PCDH15: variants seen among roughly 807,000 people sequenced by gnomAD.
PCDH15 encodes protocadherin-15.
PCDH15 carries 129 observed loss-of-function variants against 178.5 expected under a neutral mutation model. That is an observed-to-expected ratio of 0.72 (90% confidence interval 0.63 to 0.84). The LOEUF is 0.84. Ranked by LOEUF, PCDH15 falls within the 40% of genes least tolerant of loss-of-function variation. The probability of loss-of-function intolerance (pLI) is 0.00; values close to 1 mark genes in which losing one functional copy is unlikely to be tolerated. For missense variants in PCDH15, 2,230 were observed against 2,099.9 expected (o/e 1.06, Z -1.21); for synonymous variants, 800 against 732.0 (o/e 1.09, Z -1.50).
At chr10:55,417,117 G>T (rs114239135) in intron 2 of PCDH15, among the ~76,000 whole-genome samples, 1,564 of 151,806 alleles carry the variant, frequency 0.01, 27 homozygotes, top group African/African-American at 0.035. Context: ...GTGACATTTG[G>T]AAATTGTATC....
chr10:55,440,512 G>C (rs561529986), intron 2 of PCDH15, among the ~76,000 whole-genome samples: 1 of 152,268 alleles, frequency 6.6e-6, no homozygotes, highest in South Asian at 2.1e-4. Context: ...TGTTTTAATA[G>C]AGAAAAACAC....
At chr10:54,843,859 T>C (rs1591736464) in intron 3 of PCDH15, among the ~76,000 whole-genome samples, 1 of 151,930 alleles carries the variant, frequency 6.6e-6, no homozygotes, top group African/African-American at 2.4e-5. Flanking sequence ...ACATGACAAA[T>C]GGCAATGAAC....
At chr10:55,347,811 G>A (rs1477910053) in intron 2 of PCDH15, among the ~76,000 whole-genome samples, 1 of 152,128 alleles carries the variant, frequency 6.6e-6, no homozygotes, top group Non-Finnish European at 1.5e-5. Context: ...GCCTGGGCAG[G>A]AGTCATTATA....
chr10:55,121,818 G>C (rs1175677665), intron 2 of PCDH15, among the ~76,000 whole-genome samples: 1 of 151,968 alleles, frequency 6.6e-6, no homozygotes. Context: ...CCAGCAACAA[G>C]GCATCACCCT....
intron 9 of PCDH15, among the ~76,000 whole-genome samples, chr10:54,225,861 T>A (rs7068210): frequency 6.6e-6 from 1 of 152,054 alleles, no homozygotes; most frequent in Non-Finnish European, 1.5e-5. Context: ...CTTTATATAC[T>A]GACTGACACT....
intron 24 of PCDH15, among the ~76,000 whole-genome samples, chr10:53,939,564 CTTTAT>C (rs879346822): frequency 2.0e-5 from 3 of 151,706 alleles, no homozygotes; most frequent in Non-Finnish European, 4.4e-5. Flanking sequence ...TCTCTCCTTA[CTTTAT>C]TTTTTCATGT....
At chr10:54,376,136 T>G (rs557263755) in intron 4 of PCDH15, among the ~76,000 whole-genome samples, 1 of 151,384 alleles carries the variant, frequency 6.6e-6, no homozygotes, top group African/African-American at 2.4e-5. Flanking sequence ...CTCAAGTGAT[T>G]AACTGGCCTT....
chr10:55,271,432 A>G (rs746820735), intron 1 of PCDH15, among the ~76,000 whole-genome samples: 3 of 152,038 alleles, frequency 2.0e-5, no homozygotes, highest in Non-Finnish European at 4.4e-5. Flanking sequence ...TTCTCTAATC[A>G]GATATGTTCT....
At chr10:55,041,132 A>G (rs1019207060) in intron 2 of PCDH15, among the ~76,000 whole-genome samples, 2 of 152,160 alleles carry the variant, frequency 1.3e-5, no homozygotes, top group African/African-American at 2.4e-5. Context: ...CCCCATGTCT[A>G]TCATCCTATA....
Position 54,787,912 on chromosome 10 carries a change from A to C in PCDH15, c.-29+13013T>G, listed in dbSNP as rs145489811. ...TTTGAATAAACTTATTTAGGCAGAA[A>C]GAGAGTATCCGAGAGAGCGTGAATA... On this transcript the variant is annotated intron_variant, in intron 1 of 37. Transcript: ENST00000644397. Among the ~76,000 whole-genome samples, 3 of 152,064 alleles carry C rather than the reference A, an allele frequency of 2.0e-5. No homozygotes were observed. The East Asian group carries it at 5.8e-4, about 30-fold the overall frequency.
intron 2 of PCDH15, among the ~76,000 whole-genome samples, chr10:54,658,248 G>T (rs2094440398): frequency 6.6e-6 from 1 of 152,080 alleles, no homozygotes; most frequent in South Asian, 2.1e-4. Context: ...TCCTCATCTT[G>T]TCAGAGAGGA....
intron 1 of PCDH15, among the ~76,000 whole-genome samples, chr10:55,229,023 C>A (rs549094932): frequency 6.6e-6 from 1 of 151,974 alleles, no homozygotes; most frequent in South Asian, 2.1e-4. Context: ...TAAGCAATAT[C>A]ATATTTTTCC....
At chr10:55,284,730 G>A (rs1247448518) in intron 1 of PCDH15, among the ~76,000 whole-genome samples, 1 of 151,916 alleles carries the variant, frequency 6.6e-6, no homozygotes, top group Non-Finnish European at 1.5e-5. Flanking sequence ...TTCTATTTAA[G>A]TTTTCACGTC....
rs1588898593 is a variant in PCDH15, at chr10:55,307,588, T to C, written c.-156+12011A>G. On this transcript the variant is annotated intron_variant, in intron 1 of 5. Coordinates refer to the PCDH15 transcript ENST00000458638. ...CAAAATTATACATTTTATCTTTTCTTTTCTGCTTTCTAACTTACTTTCTTC... is the reference window on the plus strand; with the variant it reads ...CAAAATTATACATTTTATCTTTTCTCTTCTGCTTTCTAACTTACTTTCTTC... Among the ~76,000 whole-genome samples the C allele has an allele frequency of 2.0e-5, 3 of 151,844 alleles. No individual in the cohort carries two copies. In the South Asian group the frequency reaches 6.2e-4, roughly 31 times the overall value.
At chr10:54,508,401 C>T (rs960208990) in intron 3 of PCDH15, among the ~76,000 whole-genome samples, 1 of 151,960 alleles carries the variant, frequency 6.6e-6, no homozygotes, top group African/African-American at 2.4e-5. Context: ...TACAGATGCT[C>T]TTTGACTTAT....
chr10:54,172,944 G>C (rs547003620), intron 13 of PCDH15, among the ~76,000 whole-genome samples: 25 of 152,116 alleles, frequency 1.6e-4, no homozygotes, highest in African/African-American at 6.0e-4. Context: ...TCTTTAAAAA[G>C]CTACACTGTT....
intron 18 of PCDH15, among the ~76,000 whole-genome samples, chr10:54,045,250 C>T (rs749082429): frequency 4.6e-5 from 7 of 152,106 alleles, no homozygotes; most frequent in Admixed American, 6.6e-5. Context: ...GGCATACTTT[C>T]GTCCTTGCAA....
chr10:54,081,869 G>A (rs964519595), intron 16 of PCDH15, among the ~76,000 whole-genome samples: 1 of 151,996 alleles, frequency 6.6e-6, no homozygotes, highest in African/African-American at 2.4e-5. Flanking sequence ...AGATGGTCTC[G>A]CCACAAAACG....
At chr10:54,327,125 T>G (rs934478461) in intron 7 of PCDH15, among the ~76,000 whole-genome samples, 1 of 151,942 alleles carries the variant, frequency 6.6e-6, no homozygotes, top group African/African-American at 2.4e-5. Flanking sequence ...ATTTTAAAAC[T>G]AGACACCAAT....
Sources: gnomAD v4.1 joint callset for allele counts (sites outside exome capture counted in the v4.1 genomes callset) on GRCh38, gnomAD v4.1.1 for gene constraint, MANE v1.5 for transcripts, NCBI Gene and HGNC (gene_info 2026-07-23, HGNC 2026-07-21) for gene names.